The following CYYR1 variants were observed in gnomAD, a reference collection of about 807,000 sequenced individuals.
CYYR1 encodes cysteine and tyrosine-rich protein 1.
In CYYR1, 14 loss-of-function variants were observed where a neutral mutation model predicts 15.2. That is an observed-to-expected ratio of 0.92 (90% CI 0.61 to 1.44). The LOEUF is 1.44. CYYR1 is among the 40% of genes most tolerant of loss of function. The pLI is 0.00. For missense variants in CYYR1, 228 were observed against 209.5 expected (o/e 1.09, Z -0.54); for synonymous variants, 80 against 77.4 (o/e 1.03, Z -0.18).
chr21:26,502,509 G>C (rs2065495104), intron 2 of CYYR1, among the ~76,000 whole-genome samples: 1 of 151,926 alleles, frequency 6.6e-6, no homozygotes. Context: ...AGAAAATTAG[G>C]GTAGTTGTTT....
intron 1 of CYYR1, chr21:26,568,145 A>G (rs1342105224): frequency 6.6e-6 from 1 of 152,258 alleles, no homozygotes; most frequent in East Asian, 1.9e-4. Context: ...CTTTTTGCAG[A>G]GTACAACAGA....
intron 2 of CYYR1, among the ~76,000 whole-genome samples, chr21:26,486,404 T>A (rs372605101): frequency 7.9e-5 from 12 of 152,062 alleles, no homozygotes; most frequent in Non-Finnish European, 1.3e-4. Flanking sequence ...TTACATTTGA[T>A]ATTTAAACCT....
chr21:26,541,533 T>C (rs1014836997), intron 2 of CYYR1, among the ~76,000 whole-genome samples: 9 of 152,048 alleles, frequency 5.9e-5, no homozygotes, highest in Admixed American at 5.2e-4. Context: ...CTTTCAGAAA[T>C]AAAGATGACA....
intron 2 of CYYR1, among the ~76,000 whole-genome samples, chr21:26,515,924 A>G (rs921937397): frequency 2.0e-5 from 3 of 151,970 alleles, no homozygotes; most frequent in Admixed American, 2.0e-4. Context: ...ACCTTTTTTG[A>G]CTTGATTCTT....
intron 2 of CYYR1, among the ~76,000 whole-genome samples, chr21:26,485,783 G>T (rs561479005): frequency 1.4e-4 from 21 of 152,126 alleles, no homozygotes; most frequent in Non-Finnish European, 2.5e-4. Flanking sequence ...ACAGATTTTT[G>T]TGTGGACATA....
chr21:26,466,900 C>T lies in CYYR1; in HGVS notation c.*1601G>A, dbSNP rs1226541985. 1 of 152,158 alleles carries T rather than the reference C, an allele frequency of 6.6e-6. No homozygotes were observed. Among genetic ancestry groups the T allele is most frequent in the African/African-American group, 2.4e-5 (1 of 41,448 alleles). The allele number at this position is 152,158 out of a possible 1,614,324, so 9.4% of individuals were successfully genotyped here. A position where few individuals can be genotyped will look rare whatever the true frequency, so the allele number is the denominator to read the frequency against. ...TCAAGGAACTCATTCAAAACAAATT[C>T]AGCCTTTGGACCTTACTGGCAGGTA... On this transcript the variant is annotated 3_prime_UTR_variant, in exon 4 of 4. Coordinates refer to ENST00000652641, the MANE Select transcript of CYYR1 (RefSeq NM_001320768.2).
Position 26,523,147 on chromosome 21 carries a change from AATAAC to A in CYYR1, c.177-42723_177-42719del, listed in dbSNP as rs1369894930. 6.6e-5 allele frequency among the ~76,000 whole-genome samples: 10 copies of A among 152,364 alleles called. 1 individual carries two copies. Among genetic ancestry groups the A allele is most frequent in the African/African-American group, 1.9e-4 (8 of 41,590 alleles). ...CCAAAAAAAGGCAATTTTTTGAATT[AATAAC>A]ATAATATAGTTCTGGCCTCTTTTCT... On this transcript the variant is annotated intron_variant, in intron 2 of 3. Coordinates refer to ENST00000652641, the MANE Select transcript of CYYR1 (RefSeq NM_001320768.2).
chr21:26,489,813 C>G (rs922966174), intron 2 of CYYR1, among the ~76,000 whole-genome samples: 14 of 152,190 alleles, frequency 9.2e-5, no homozygotes, highest in African/African-American at 3.1e-4. Flanking sequence ...CTCAGTAGTA[C>G]TGAAACAGGT....
intron 2 of CYYR1, chr21:26,482,273 T>A: frequency 1.0e-6 from 1 of 965,882 alleles, no homozygotes; most frequent in Non-Finnish European, 1.2e-6. Context: ...AACTTACTAT[T>A]TTTAAACAAT....
At chr21:26,531,976 C>CCTGTG (rs1288500855) in intron 2 of CYYR1, among the ~76,000 whole-genome samples, 1 of 151,980 alleles carries the variant, frequency 6.6e-6, no homozygotes, top group Non-Finnish European at 1.5e-5. Context: ...CCTGACACAA[C>CCTGTG]CTCTGGCCTG....
intron 2 of CYYR1, among the ~76,000 whole-genome samples, chr21:26,510,173 A>G (rs2065627220): frequency 6.6e-6 from 1 of 152,238 alleles, no homozygotes; most frequent in Non-Finnish European, 1.5e-5. Context: ...GTTTGTAAAC[A>G]GAATTTCCAA....
At position 26,474,286 on chromosome 21, in the gene CYYR1, C is replaced by T. The variant is rs371314451; in HGVS notation, c.335-5652G>A. On this transcript the variant is annotated intron_variant, in intron 3 of 3. Coordinates refer to ENST00000652641, the MANE Select transcript of CYYR1 (RefSeq NM_001320768.2). ...GTCAGGCTGGTCTCGAACTTCTGACCTCATGATCCTCCCACCTCGGCCTCC... is the reference window on the plus strand; with the variant it reads ...GTCAGGCTGGTCTCGAACTTCTGACTTCATGATCCTCCCACCTCGGCCTCC... 8.5e-5 allele frequency among the ~76,000 whole-genome samples: 13 copies of T among 152,048 alleles called. No homozygotes were observed. In the East Asian group the frequency reaches 2.1e-3, roughly 25 times the overall value.
intron 2 of CYYR1, among the ~76,000 whole-genome samples, chr21:26,509,436 GT>G (rs1467948241): frequency 6.6e-6 from 1 of 152,086 alleles, no homozygotes; most frequent in African/African-American, 2.4e-5. Context: ...CCAAAGACCA[GT>G]TTTTGTACTT....
intron 2 of CYYR1, chr21:26,482,441 G>C (rs541607260): frequency 3.0e-6 from 3 of 985,030 alleles, no homozygotes; most frequent in Non-Finnish European, 3.6e-6. Context: ...CCTTCTTACA[G>C]CAACTAAGAC....
chr21:26,468,546 T>A lies in CYYR1; in HGVS notation c.423A>T (p.Ala141=). The A allele has an allele frequency of 6.2e-7, 1 of 1,612,922 alleles. No homozygotes were observed. Among genetic ancestry groups the A allele is most frequent in the Non-Finnish European group, 8.5e-7 (1 of 1,179,150 alleles). The change falls in exon 4 of 4, where the codon GCA becomes GCT. Residue 141 remains alanine, a synonymous_variant. Coordinates refer to ENST00000652641, the MANE Select transcript of CYYR1 (RefSeq NM_001320768.2). ...PPYSPTPQGP[A]QRSPPPPYPG... is the part of the protein sequence containing the mutation. ...GATAAGGAGGGGGTGGAGAACGCTGTGCTGGACCCTGTGGGGTGGGGGAGT... is the reference window on the plus strand; with the variant it reads ...GATAAGGAGGGGGTGGAGAACGCTGAGCTGGACCCTGTGGGGTGGGGGAGT...
chr21:26,469,151 G>A (rs2065003928), intron 3 of CYYR1, among the ~76,000 whole-genome samples: 1 of 152,154 alleles, frequency 6.6e-6, no homozygotes. Flanking sequence ...ACAATGTAAT[G>A]GCATATGTGA....
At chr21:26,499,993 A>G (rs2065458362) in intron 2 of CYYR1, among the ~76,000 whole-genome samples, 1 of 152,258 alleles carries the variant, frequency 6.6e-6, no homozygotes, top group Non-Finnish European at 1.5e-5. Context: ...GATTCAAACA[A>G]TAGAAATTTA....
chr21:26,477,796 G>T (rs2065123596), intron 3 of CYYR1: 1 of 984,094 alleles, frequency 1.0e-6, no homozygotes, highest in Non-Finnish European at 1.2e-6. Context: ...TTGGGTTATG[G>T]TTTGACCAAG....
At chr21:26,512,708 A>C (rs568203860) in intron 2 of CYYR1, among the ~76,000 whole-genome samples, 2 of 152,320 alleles carry the variant, frequency 1.3e-5, no homozygotes, top group Non-Finnish European at 2.9e-5. Flanking sequence ...TCATGTGTTT[A>C]CGCATTGTCT....
Sources: gnomAD v4.1 joint callset for allele counts (sites outside exome capture counted in the v4.1 genomes callset) on GRCh38, gnomAD v4.1.1 for gene constraint, MANE v1.5 for transcripts, NCBI Gene and HGNC (gene_info 2026-07-23, HGNC 2026-07-21) for gene names.